The following FNIP2 variants were observed in gnomAD, a reference collection of about 807,000 sequenced individuals.
FNIP2 encodes folliculin-interacting protein 2.
A neutral mutation model predicts 108.7 loss-of-function variants in FNIP2; 32 were observed. The ratio of observed to expected loss-of-function variants is 0.29; its 90% CI spans 0.22 to 0.40. FNIP2 has a LOEUF of 0.40. Ranked by LOEUF, FNIP2 falls within the 10% of genes least tolerant of loss-of-function variation. The pLI is 1.00. For missense variants in FNIP2, 1,202 were observed against 1,381.6 expected (o/e 0.87, Z 2.06); for synonymous variants, 480 against 496.7 (o/e 0.97, Z 0.45).
chr4:158,782,650 G>A (rs749954923), intron 1 of FNIP2, among the ~76,000 whole-genome samples: 1 of 152,138 alleles, frequency 6.6e-6, no homozygotes, highest in Non-Finnish European at 1.5e-5. Flanking sequence ...GCGAGGAAAG[G>A]AGTTTGTGTT....
chr4:158,796,761 T>A (rs1030625929), intron 1 of FNIP2, among the ~76,000 whole-genome samples: 2 of 152,170 alleles, frequency 1.3e-5, no homozygotes, highest in African/African-American at 4.8e-5. Flanking sequence ...TCTTGTCTAT[T>A]TATGGTTAAG....
chr4:158,843,254 G>A (rs536375900), intron 7 of FNIP2, among the ~76,000 whole-genome samples: 1 of 152,276 alleles, frequency 6.6e-6, no homozygotes, highest in African/African-American at 2.4e-5. Context: ...AAATCTAAAT[G>A]CCGTATATAC....
chr4:158,864,138 A>T (rs1372909975), intron 12 of FNIP2, among the ~76,000 whole-genome samples: 1 of 152,094 alleles, frequency 6.6e-6, no homozygotes, highest in African/African-American at 2.4e-5. Flanking sequence ...GGCTCAAGTG[A>T]TCCTTCCACC....
rs1425546778 is a variant in FNIP2 at position 158,831,873 on chromosome 4, G to A, written c.394G>A (p.Ala132Thr). The change falls in exon 4 of 17, where the codon GCT becomes ACT. Residue 132 changes from alanine (A) to threonine (T), a missense_variant. By Grantham distance (58) the Ala-to-Thr change is moderately conservative. Transcript: ENST00000264433. The stretch of plus-strand genomic sequence containing the variant: ...TTCTTGCATGTAGTACACAAGACCA[G>A]CTTCCGATGTCAACATGTTAGGGGA... ...QLPKYQYTRP[A>T]SDVNMLGEMM... 1.2e-6 allele frequency: 2 copies of A among 1,610,992 alleles called. No homozygotes were observed. Among genetic ancestry groups the A allele is most frequent in the Non-Finnish European group, 1.7e-6 (2 of 1,178,430 alleles).
At chr4:158,857,636 A>G (rs1285171433) in intron 8 of FNIP2, among the ~76,000 whole-genome samples, 5 of 152,140 alleles carry the variant, frequency 3.3e-5, no homozygotes, top group Non-Finnish European at 4.4e-5. Flanking sequence ...TAAGATGTCT[A>G]TCTCCTTTCC....
intron 7 of FNIP2, among the ~76,000 whole-genome samples, chr4:158,850,736 T>C (rs1172462448): frequency 1.3e-5 from 2 of 149,870 alleles, no homozygotes; most frequent in East Asian, 3.9e-4. Context: ...CCTCAAAGTA[T>C]AGAGTGAAGG....
chr4:158,899,632 T>G (rs1783020963), intron 16 of FNIP2, among the ~76,000 whole-genome samples: 1 of 152,244 alleles, frequency 6.6e-6, no homozygotes. Context: ...TCTAGTTTAT[T>G]TGAGTAGAGG....
chr4:158,799,225 T>G (rs1776684417), intron 1 of FNIP2, among the ~76,000 whole-genome samples: 1 of 152,202 alleles, frequency 6.6e-6, no homozygotes, highest in Non-Finnish European at 1.5e-5. Flanking sequence ...TGCTGAGGAA[T>G]CCAGGCATCA....
intron 1 of FNIP2, among the ~76,000 whole-genome samples, chr4:158,783,287 AG>A (rs1776112486): frequency 6.6e-6 from 1 of 152,162 alleles, no homozygotes; most frequent in South Asian, 2.1e-4. Flanking sequence ...CTGGGGTGAA[AG>A]CATTGCCATA....
rs1782272784 is a variant in FNIP2, at chr4:158,891,432, T to C, written c.2950-14T>C. ...CTGGATAAATAAACCCATCCCTTTGTGTTTCTTTTTCAGCATCCAGTCCTG... is the reference window on the plus strand; with the variant it reads ...CTGGATAAATAAACCCATCCCTTTGCGTTTCTTTTTCAGCATCCAGTCCTG... On this transcript the variant is annotated splice_polypyrimidine_tract_variant and intron_variant, in intron 14 of 16. Coordinates refer to ENST00000264433, the MANE Select transcript of FNIP2 (RefSeq NM_020840.3). 1.9e-6 allele frequency: 3 copies of C among 1,579,310 alleles called. No homozygotes were observed. Among genetic ancestry groups the C allele is most frequent in the Non-Finnish European group, 2.6e-6 (3 of 1,161,080 alleles).
intron 14 of FNIP2, among the ~76,000 whole-genome samples, chr4:158,889,535 A>C (rs942854162): frequency 2.0e-5 from 3 of 152,178 alleles, no homozygotes; most frequent in African/African-American, 7.2e-5. Context: ...TTAGAAGACT[A>C]AGTTCGATTT....
At chr4:158,861,558 C>G in intron 11 of FNIP2, 49 bp from the exon 12 acceptor site, 1 of 1,613,614 alleles carries the variant, frequency 6.2e-7, no homozygotes, top group Admixed American at 1.7e-5. Context: ...TAGGATGTGC[C>G]TCTTTCTGTA....
At chr4:158,870,201 C>T in intron 13 of FNIP2, 112 bp from the exon 14 acceptor site, 1 of 1,195,098 alleles carries the variant, frequency 8.4e-7, no homozygotes, top group Non-Finnish European at 1.2e-6. Context: ...TGACATGGAC[C>T]ACCCTGAATC....
intron 1 of FNIP2, among the ~76,000 whole-genome samples, chr4:158,808,883 C>T (rs952111786): frequency 2.0e-5 from 3 of 151,990 alleles, no homozygotes; most frequent in Non-Finnish European, 4.4e-5. Flanking sequence ...AGTAGAATCA[C>T]GTTGTATTAT....
chr4:158,827,222 A>G (rs1022467317), intron 2 of FNIP2, among the ~76,000 whole-genome samples: 55 of 152,262 alleles, frequency 3.6e-4, no homozygotes. Flanking sequence ...TAGGTGAGCC[A>G]GCACTTGACC....
chr4:158,780,176 C>G (rs950177889), intron 1 of FNIP2, among the ~76,000 whole-genome samples: 1 of 151,384 alleles, frequency 6.6e-6, no homozygotes, highest in Non-Finnish European at 1.5e-5. Context: ...CCACTGTACT[C>G]TAGCCTGGGT....
intron 11 of FNIP2, 36 bp downstream of exon 11, chr4:158,861,524 C>T: frequency 3.7e-6 from 6 of 1,613,642 alleles, no homozygotes; most frequent in Non-Finnish European, 5.1e-6. Context: ...GTATGCAAAT[C>T]TCATGGCCAA....
In FNIP2 at chr4:158,851,400, C is replaced by T; in HGVS notation, c.807C>T (p.Arg269=). Residue 269 remains arginine, a synonymous_variant, in exon 8 of 17, where the codon CGC becomes CGT. Transcript: ENST00000264433. ...CTTCTTCCAGCAGTTACCAGCGCCG[C>T]TGGCTTCGAAGTCAGACAACAAGTT... The part of the protein sequence containing the change: ...STSSSSSYQR[R]WLRSQTTSLE... 1 of 1,613,998 alleles carries T rather than the reference C, an allele frequency of 6.2e-7. No homozygotes were observed. Among genetic ancestry groups the T allele is most frequent in the Non-Finnish European group, 8.5e-7 (1 of 1,179,884 alleles).
At chr4:158,846,069 C>T (rs1001093946) in intron 7 of FNIP2, among the ~76,000 whole-genome samples, 2 of 152,084 alleles carry the variant, frequency 1.3e-5, no homozygotes, top group East Asian at 1.9e-4. Context: ...CCACCTTTTC[C>T]GAGAATGATT....
Sources: allele counts gnomAD v4.1 joint callset (sites outside exome capture counted in the v4.1 genomes callset), GRCh38; gene constraint gnomAD v4.1.1; transcripts MANE v1.5; gene names NCBI Gene and HGNC (gene_info 2026-07-23, HGNC 2026-07-21).